Variants in SIDT1 observed in about 807,000 individuals in gnomAD.
SIDT1 encodes the protein SID1 transmembrane family, member 1.
In SIDT1, 101 loss-of-function variants were observed where a neutral mutation model predicts 107.5. The ratio of observed to expected loss-of-function variants is 0.94; its 90% CI spans 0.80 to 1.11. The LOEUF (loss-of-function observed/expected upper bound fraction) is 1.11, where lower values mean the gene tolerates loss of function less well. SIDT1 is among the 50% of genes least tolerant of loss of function. The pLI is 0.00. For missense variants in SIDT1, 1,076 were observed against 1,058.2 expected (o/e 1.02, Z -0.23); for synonymous variants, 395 against 398.2 (o/e 0.99, Z 0.10).
intron 1 of SIDT1, among the ~76,000 whole-genome samples, chr3:113,557,970 G>C (rs1246783754): frequency 3.9e-5 from 6 of 152,216 alleles, no homozygotes; most frequent in Admixed American, 3.3e-4. Context: ...AAGAGAGGCA[G>C]TTAGTGCTTC....
intron 7 of SIDT1, among the ~76,000 whole-genome samples, 154 bp downstream of exon 7, chr3:113,583,650 C>T (rs912274787): frequency 1.3e-5 from 2 of 152,050 alleles, no homozygotes; most frequent in African/African-American, 4.8e-5. Flanking sequence ...AGAAAAAAAA[C>T]GAAAGATAGA....
Position 113,604,007 on chromosome 3 carries a change from C to A in SIDT1, c.1311C>A (p.Val437=). The change falls in exon 13 of 25, where the codon GTC becomes GTA. Residue 437 remains valine (V), a synonymous_variant. Transcript: ENST00000264852. The stretch of plus-strand genomic sequence containing the variant: ...TGTCCAGGAAGGACCGGAGAATTGT[C>A]AGCAAAAAATATAAAATTTATTTTT... ...SDLSRKDRRI[V]SKKYKIYFWN... 1 of 1,606,672 alleles carries A rather than the reference C, an allele frequency of 6.2e-7. No homozygotes were observed. The highest frequency in any genetic ancestry group is 1.1e-5 in the South Asian group (1 of 90,004).
At chr3:113,564,538 G>A (rs1039497184) in intron 1 of SIDT1, among the ~76,000 whole-genome samples, 4 of 152,150 alleles carry the variant, frequency 2.6e-5, no homozygotes, top group Non-Finnish European at 5.9e-5. Context: ...ACTGAGCTAT[G>A]AGAGTGTCAC....
the SIDT1 span, among the ~76,000 whole-genome samples, chr3:113,635,908 A>G: frequency 6.6e-6 from 1 of 151,778 alleles, no homozygotes; most frequent in South Asian, 2.1e-4. Context: ...AAAAAGAAAA[A>G]TTTTAGACAA....
intron 10 of SIDT1, among the ~76,000 whole-genome samples, chr3:113,597,922 T>C (rs1331270270): frequency 6.6e-6 from 1 of 152,236 alleles, no homozygotes; most frequent in African/African-American, 2.4e-5. Context: ...ATGGCTTGCC[T>C]TCCCAGACCA....
intron 1 of SIDT1, among the ~76,000 whole-genome samples, chr3:113,542,927 T>C (rs1939094799): frequency 6.6e-6 from 1 of 151,270 alleles, no homozygotes; most frequent in Non-Finnish European, 1.5e-5. Context: ...TGTGTGTGTG[T>C]GTGTGTGTGT....
At chr3:113,622,239 T>C (rs1576989509) in intron 21 of SIDT1, among the ~76,000 whole-genome samples, 1 of 151,896 alleles carries the variant, frequency 6.6e-6, no homozygotes, top group Non-Finnish European at 1.5e-5. Flanking sequence ...CCGAGGCAGG[T>C]GGATCACGAG....
chr3:113,550,602 T>C (rs1294050006), intron 1 of SIDT1, among the ~76,000 whole-genome samples: 1 of 152,224 alleles, frequency 6.6e-6, no homozygotes, highest in East Asian at 1.9e-4. Context: ...GGGCTTGCAT[T>C]TGAGACTTTT....
At chr3:113,542,390 G>C (rs1295687526) in intron 1 of SIDT1, among the ~76,000 whole-genome samples, 31 of 151,946 alleles carry the variant, frequency 2.0e-4, no homozygotes, top group Admixed American at 2.0e-3. Context: ...CTTCTTTGGG[G>C]TTTTCTATAA....
intron 1 of SIDT1, among the ~76,000 whole-genome samples, chr3:113,563,959 T>C (rs1343009910): frequency 6.6e-6 from 1 of 152,204 alleles, no homozygotes; most frequent in Non-Finnish European, 1.5e-5. Flanking sequence ...TTTGTTTTGT[T>C]TTTTTGAGAT....
chr3:113,536,631 A>G (rs918030547), intron 1 of SIDT1, among the ~76,000 whole-genome samples: 40 of 152,258 alleles, frequency 2.6e-4, no homozygotes, highest in African/African-American at 9.6e-4. Flanking sequence ...CCCATACCAA[A>G]CTGTCCCAGA....
chr3:113,579,837 G>A (rs557317069), intron 4 of SIDT1, among the ~76,000 whole-genome samples: 136 of 152,098 alleles, frequency 8.9e-4, no homozygotes, highest in African/African-American at 3.2e-3. Context: ...TAATTATTTG[G>A]CAGAATTCCC....
Position 113,604,004 on chromosome 3 carries a change from T to A in SIDT1, c.1308T>A (p.Ile436=), listed in dbSNP as rs376340412. The A allele has an allele frequency of 4.4e-6, 7 of 1,608,786 alleles. No individual in the cohort carries two copies. Among genetic ancestry groups the A allele is most frequent in the Non-Finnish European group, 5.9e-6 (7 of 1,176,912 alleles). ...LSDLSRKDRR[I]VSKKYKIYFW... is the part of the protein sequence containing the mutation. ...ATTTGTCCAGGAAGGACCGGAGAAT[T>A]GTCAGCAAAAAATATAAAATTTATT... The change falls in exon 13 of 25, where the codon ATT becomes ATA. Residue 436 remains isoleucine (I), a synonymous_variant. Transcript: ENST00000264852.
At chr3:113,615,641 A>G (rs3773684) in intron 19 of SIDT1, among the ~76,000 whole-genome samples, 1 of 152,018 alleles carries the variant, frequency 6.6e-6, no homozygotes, top group Non-Finnish European at 1.5e-5. Flanking sequence ...TTCAATTGTT[A>G]CTAACTTATA....
chr3:113,578,582 T>A (rs149971573), intron 4 of SIDT1, among the ~76,000 whole-genome samples: 2 of 152,108 alleles, frequency 1.3e-5, no homozygotes, highest in Non-Finnish European at 2.9e-5. Flanking sequence ...GTGTGGTGGC[T>A]TGCACCTGTA....
In SIDT1 at chr3:113,616,129, G is replaced by A. The variant is rs764430867; in HGVS notation, c.1996G>A (p.Val666Met). 1.2e-6 allele frequency: 2 copies of A among 1,614,088 alleles called. No individual in the cohort carries two copies. Among genetic ancestry groups the A allele is most frequent in the South Asian group, 1.1e-5 (1 of 91,082 alleles). Residue 666 changes from valine to methionine, a missense_variant, in exon 20 of 25, where the codon GTG becomes ATG. Physicochemically the swap from Val to Met is conservative, Grantham distance 21. Transcript: ENST00000264852. Reference sequence around the variant, plus strand: ...GGGAATTTTCCGGCGGGCTGCCATGGTGTTCTACACAGACTGTATCCAGCA... The same window carrying A: ...GGGAATTTTCCGGCGGGCTGCCATGATGTTCTACACAGACTGTATCCAGCA... ...DLGIFRRAAM[V>M]FYTDCIQQCS...
chr3:113,541,493 A>G (rs949753912), intron 1 of SIDT1, among the ~76,000 whole-genome samples: 2 of 152,198 alleles, frequency 1.3e-5, no homozygotes, highest in Admixed American at 1.3e-4. Flanking sequence ...TTAAAGTTCT[A>G]GTCCTTATGT....
intron 19 of SIDT1, among the ~76,000 whole-genome samples, chr3:113,615,718 T>G (rs573350752): frequency 1.3e-5 from 2 of 152,208 alleles, no homozygotes; most frequent in African/African-American, 2.4e-5. Flanking sequence ...AGAGAGAGCA[T>G]GTGTTTTAAA....
At chr3:113,556,811 G>GTTTAT (rs1576751664) in intron 1 of SIDT1, among the ~76,000 whole-genome samples, 2 of 56,398 alleles carry the variant, frequency 3.5e-5, no homozygotes, top group Admixed American at 2.2e-4. Context: ...TATGCCCTAA[G>GTTTAT]TTTCTTTTTC....
Sources: gnomAD v4.1 joint callset for allele counts (sites outside exome capture counted in the v4.1 genomes callset) on GRCh38, gnomAD v4.1.1 for gene constraint, MANE v1.5 for transcripts, NCBI Gene and HGNC (gene_info 2026-07-23, HGNC 2026-07-21) for gene names.